Variants in PCDHA11 observed in about 807,000 individuals in gnomAD.
The protein encoded by PCDHA11 is protocadherin alpha-11.
Under a neutral mutation model 70.3 loss-of-function variants are expected in PCDHA11, and 61 were observed. The observed-to-expected ratio is 0.87, with a 90% CI of 0.71 to 1.07. The LOEUF (loss-of-function observed/expected upper bound fraction) is 1.07, where lower values mean the gene tolerates loss of function less well. Among genes scored for constraint, PCDHA11 ranks in the 50% least tolerant of loss-of-function variants. The pLI, the probability that PCDHA11 is intolerant of heterozygous loss-of-function variation, is 0.00. For synonymous variants in PCDHA11, 633 were observed against 555.1 expected (o/e 1.14, Z -1.97); for missense variants, 1,324 against 1,237.5 (o/e 1.07, Z -1.05).
chr5:140,961,504 G>T (rs2095618659), intron 1 of PCDHA11, among the ~76,000 whole-genome samples: 1 of 152,112 alleles, frequency 6.6e-6, no homozygotes, highest in African/African-American at 2.4e-5. Flanking sequence ...GGGAGACTTT[G>T]TTTAATGTCT....
intron 1 of PCDHA11, among the ~76,000 whole-genome samples, chr5:140,953,598 T>C (rs1189793307): frequency 2.6e-5 from 4 of 152,188 alleles, no homozygotes; most frequent in South Asian, 2.1e-4. Context: ...CTTTTGTTTA[T>C]TCCCCAGAGT....
chr5:140,970,270 T>C (rs2096394574), intron 1 of PCDHA11, among the ~76,000 whole-genome samples: 1 of 152,234 alleles, frequency 6.6e-6, no homozygotes, highest in Non-Finnish European at 1.5e-5. Context: ...TTTGATGAGA[T>C]GTAAAGTAGC....
intron 1 of PCDHA11, among the ~76,000 whole-genome samples, chr5:140,880,783 G>A (rs1296382612): frequency 6.6e-6 from 1 of 152,154 alleles, no homozygotes; most frequent in Non-Finnish European, 1.5e-5. Flanking sequence ...GAATGTTAGA[G>A]GAGTAATATA....
At chr5:140,927,903 C>T in intron 1 of PCDHA11, 1 of 1,614,158 alleles carries the variant, frequency 6.2e-7, no homozygotes, top group South Asian at 1.1e-5. Flanking sequence ...ACGATCATGC[C>T]CCCGAACTGG....
intron 3 of PCDHA11, among the ~76,000 whole-genome samples, chr5:140,983,223 C>T (rs2153830857): frequency 6.6e-6 from 1 of 152,270 alleles, no homozygotes; most frequent in Admixed American, 6.5e-5. Context: ...CTAATCCAAA[C>T]TTTCAGGAAA....
At chr5:140,901,654 T>C (rs1274474554) in intron 1 of PCDHA11, among the ~76,000 whole-genome samples, 6 of 152,194 alleles carry the variant, frequency 3.9e-5, no homozygotes. Flanking sequence ...GTTTTGTTCT[T>C]TTTGCTCAAG....
At position 140,914,532 on chromosome 5, in the gene PCDHA11, A is replaced by G. The variant is rs1440968686; in HGVS notation, c.2391+43038A>G. ...GTCATGTTTTTTCATCCATTCAGCC[A>G]CTTTATTTCTTTTTATTGGAGAGTT... On this transcript the variant is annotated intron_variant, in intron 1 of 3. Coordinates refer to ENST00000398640, the MANE Select transcript of PCDHA11 (RefSeq NM_018902.5). Among the ~76,000 whole-genome samples the G allele has an allele frequency of 3.3e-5, 5 of 152,070 alleles. 1 individual carries two copies. Among genetic ancestry groups the G allele is most frequent in the Admixed American group, 3.3e-4 (5 of 15,252 alleles).
At chr5:140,913,970 T>C (rs2076541614) in intron 1 of PCDHA11, among the ~76,000 whole-genome samples, 1 of 152,144 alleles carries the variant, frequency 6.6e-6, no homozygotes. Context: ...TAAAAAAATA[T>C]TTTAGGACTT....
chr5:140,976,244 A>G (rs996854178), intron 1 of PCDHA11, among the ~76,000 whole-genome samples: 1 of 152,160 alleles, frequency 6.6e-6, no homozygotes, highest in Non-Finnish European at 1.5e-5. Context: ...CATTTCATGT[A>G]AATTTATTTA....
rs377044316 is a variant in PCDHA11 at position 140,883,116 on chromosome 5, G to A, written c.2391+11622G>A. 14 of 1,613,818 alleles carry A rather than the reference G, an allele frequency of 8.7e-6. No homozygotes were observed. The African/African-American group carries it at 1.9e-4, about 22-fold the overall frequency. On this transcript the variant is annotated intron_variant, in intron 1 of 3. Coordinates refer to ENST00000398640, the MANE Select transcript of PCDHA11 (RefSeq NM_018902.5). ...GGAGATATAGTTTACTCATTTAGAAGGCCTGTATGGCCTGCAGTGGTATAT... is the reference window on the plus strand; with the variant it reads ...GGAGATATAGTTTACTCATTTAGAAAGCCTGTATGGCCTGCAGTGGTATAT...
chr5:140,949,764 G>A (rs1168507534), intron 1 of PCDHA11, among the ~76,000 whole-genome samples: 2 of 151,746 alleles, frequency 1.3e-5, no homozygotes, highest in African/African-American at 2.4e-5. Flanking sequence ...TCACATTAGT[G>A]TAATATTTGA....
At chr5:140,993,727 T>C (rs1482867785) in intron 3 of PCDHA11, among the ~76,000 whole-genome samples, 1 of 152,220 alleles carries the variant, frequency 6.6e-6, no homozygotes, top group Non-Finnish European at 1.5e-5. Context: ...ACCTTTTCTA[T>C]GTTTAGATAC....
At chr5:140,915,083 C>G (rs2076973100) in intron 1 of PCDHA11, among the ~76,000 whole-genome samples, 1 of 151,628 alleles carries the variant, frequency 6.6e-6, no homozygotes, top group African/African-American at 2.4e-5. Flanking sequence ...GTAGCTGGGA[C>G]TATGGGCACG....
intron 1 of PCDHA11, chr5:140,882,132 A>G: frequency 6.8e-7 from 1 of 1,475,878 alleles, no homozygotes; most frequent in Non-Finnish European, 9.1e-7. Flanking sequence ...TTCTTCCTGC[A>G]GAAAATATAG....
Position 140,869,187 on chromosome 5 carries a change from C to G in PCDHA11, c.84C>G (p.Ser28Arg), listed in dbSNP as rs782446170. 4 of 1,613,830 alleles carry G rather than the reference C, an allele frequency of 2.5e-6. No homozygotes were observed. Among genetic ancestry groups the G allele is most frequent in the African/African-American group, 1.3e-5 (1 of 74,916 alleles). Reference protein sequence around the residue: ...LLLLEFWEVGSGQLHYSVSEE... With the variant: ...LLLLEFWEVGRGQLHYSVSEE... ...TCCTCGAATTCTGGGAGGTGGGGAG[C>G]GGCCAGCTCCACTACTCCGTCTCGG... The change falls in exon 1 of 4, where the codon AGC becomes AGG. Residue 28 changes from serine (S) to arginine (R), a missense_variant. Transcript: ENST00000398640.
chr5:140,884,304 C>T (rs1562802468), intron 1 of PCDHA11: 1 of 1,613,710 alleles, frequency 6.2e-7, no homozygotes, highest in East Asian at 2.2e-5. Context: ...CCACAGGCTT[C>T]GTCGAGGGCG....
chr5:140,977,610 A>G (rs1056611698), intron 1 of PCDHA11, among the ~76,000 whole-genome samples: 1 of 152,196 alleles, frequency 6.6e-6, no homozygotes, highest in Non-Finnish European at 1.5e-5. Context: ...CCATTGAGGT[A>G]AAGTATCCCA....
At chr5:141,002,312 C>T (rs1171531371) in intron 3 of PCDHA11, among the ~76,000 whole-genome samples, 1 of 152,230 alleles carries the variant, frequency 6.6e-6, no homozygotes, top group East Asian at 1.9e-4. Flanking sequence ...GGGGCCGAAA[C>T]CTGGAGGCCG....
chr5:140,926,892 G>A (rs781956892), intron 1 of PCDHA11: 10 of 1,546,640 alleles, frequency 6.5e-6, no homozygotes, highest in African/African-American at 2.7e-5. Context: ...CTAGAGGGAG[G>A]ATGGTGGGCT....
Sources: gnomAD v4.1 joint callset for allele counts (sites outside exome capture counted in the v4.1 genomes callset) on GRCh38, gnomAD v4.1.1 for gene constraint, MANE v1.5 for transcripts, NCBI Gene and HGNC (gene_info 2026-07-23, HGNC 2026-07-21) for gene names.